TDRD9: variants seen among roughly 807,000 people sequenced by gnomAD.
TDRD9 encodes the protein tudor domain containing 9, also known as ATP-dependent RNA helicase TDRD9.
Under a neutral mutation model 172.6 loss-of-function variants are expected in TDRD9, and 124 were observed. That is an observed-to-expected ratio of 0.72 (90% CI 0.62 to 0.83). TDRD9 has a LOEUF of 0.83. Among genes scored for constraint, TDRD9 ranks in the 40% least tolerant of loss-of-function variants. TDRD9 has a pLI of 0.00. For missense variants in TDRD9, 1,479 were observed against 1,714.1 expected (o/e 0.86, Z 2.42); for synonymous variants, 619 against 617.1 (o/e 1.00, Z -0.05).
intron 12 of TDRD9, among the ~76,000 whole-genome samples, chr14:103,996,181 G>T (rs2034052799): frequency 6.6e-6 from 1 of 152,212 alleles, no homozygotes; most frequent in African/African-American, 2.4e-5. Context: ...CAACTCTGGA[G>T]CAGCCCACTT....
At chr14:104,026,596 C>A in intron 27 of TDRD9, 83 bp from the exon 28 acceptor site, 2 of 1,470,454 alleles carry the variant, frequency 1.4e-6, no homozygotes, top group South Asian at 1.3e-5. Flanking sequence ...GGTACATGAA[C>A]AAGGTCTGTT....
chr14:103,929,126 G>A (rs1354778501), intron 1 of TDRD9, among the ~76,000 whole-genome samples: 1 of 151,966 alleles, frequency 6.6e-6, no homozygotes, highest in African/African-American at 2.4e-5. Flanking sequence ...TCACCCGGAG[G>A]CCATCGTTAC....
rs1370127711 is a variant in TDRD9, at chr14:103,952,188, GTGTATATATATATATA to G, written c.216-3474_216-3459del. ...TGTGTATATATGTGTGTGCGTGTGT[GTGTATATATATATATA>G]TATATATATATATATATTTTTTTTT... is the stretch of plus-strand genomic sequence containing the variant. On this transcript the variant is annotated intron_variant, in intron 1 of 35. Transcript: ENST00000409874. Among the ~76,000 whole-genome samples the G allele has an allele frequency of 4.6e-3, 261 of 56,730 alleles. 4 individuals carry two copies. The highest frequency in any genetic ancestry group is 0.023 in the Middle Eastern group (2 of 86). The allele number at this position is 56,730 out of a possible 152,430, so 37.2% of individuals were successfully genotyped here.
rs1441570865 is a variant in TDRD9 at position 104,052,074 on chromosome 14, G to C, written c.4141G>C (p.Gly1381Arg). 3 of 1,571,138 alleles carry C rather than the reference G, an allele frequency of 1.9e-6. No homozygotes were observed. Among genetic ancestry groups the C allele is most frequent in the Non-Finnish European group, 2.6e-6 (3 of 1,157,552 alleles). ...LYQLHKLVVLGT is the reference protein window; with the variant it reads ...LYQLHKLVVLRT ...CCAGCTCCACAAACTGGTTGTGCTC[G>C]GCACCTGAGCATGTCCACAGGTGGC... Residue 1381 changes from glycine to arginine, a missense_variant, in exon 36 of 36, where the codon GGC becomes CGC. This residue lies in a region of TDRD9 where 1,413 missense variants were observed against 1,649.1 expected (regional missense o/e 0.86). Coordinates refer to ENST00000409874, the MANE Select transcript of TDRD9 (RefSeq NM_153046.3).
chr14:103,986,247 A>G lies in TDRD9; in HGVS notation c.1042A>G (p.Ile348Val). Residue 348 changes from isoleucine to valine, a missense_variant, in exon 8 of 36, where the codon ATA becomes GTA. By Grantham distance (29) the Ile-to-Val change is conservative (BLOSUM62 3). Around this residue, in one of 3 missense-constraint regions of TDRD9, gnomAD observed 1,413 missense variants for 1,649.1 expected, o/e 0.86. Transcript: ENST00000409874. ...LSPHLLEEPV[I>V]TKDIYEVAVS... ...TCCTCATCTCCTGGAGGAACCGGTGATAACTAAGGATATATATGAAGTTGC... is the reference window on the plus strand; with the variant it reads ...TCCTCATCTCCTGGAGGAACCGGTGGTAACTAAGGATATATATGAAGTTGC... 1.2e-6 allele frequency: 2 copies of G among 1,613,134 alleles called. No individual in the cohort carries two copies. Among genetic ancestry groups the G allele is most frequent in the Non-Finnish European group, 1.7e-6 (2 of 1,179,586 alleles).
intron 1 of TDRD9, chr14:103,940,782 A>G (rs2031174899): frequency 1.3e-6 from 2 of 1,499,690 alleles, no homozygotes; most frequent in African/African-American, 2.8e-5. Context: ...GGTGTTCATA[A>G]AAACCCCTCT....
intron 1 of TDRD9, among the ~76,000 whole-genome samples, chr14:103,945,967 T>TG (rs1165938767): frequency 7.7e-6 from 1 of 129,144 alleles, no homozygotes. Flanking sequence ...CATATCTTTC[T>TG]GTTTTTTTTT....
chr14:104,026,356 G>T (rs2035118529), intron 27 of TDRD9, among the ~76,000 whole-genome samples: 1 of 152,186 alleles, frequency 6.6e-6, no homozygotes, highest in Non-Finnish European at 1.5e-5. Context: ...TTTTAATCCA[G>T]TAGTATCTTC....
chr14:103,998,392 T>TA (rs2034132140), intron 12 of TDRD9, among the ~76,000 whole-genome samples: 1 of 152,086 alleles, frequency 6.6e-6, no homozygotes, highest in Non-Finnish European at 1.5e-5. Flanking sequence ...CGTTGGGTCT[T>TA]ACGGGTTATG....
chr14:103,931,160 A>G (rs558203829), intron 1 of TDRD9, among the ~76,000 whole-genome samples: 3 of 151,854 alleles, frequency 2.0e-5, no homozygotes, highest in African/African-American at 7.3e-5. Context: ...TTTGCCCAGC[A>G]TGGTGGTTTG....
chr14:104,005,487 C>A, intron 15 of TDRD9, 82 bp downstream of exon 15: 1 of 1,453,590 alleles, frequency 6.9e-7, no homozygotes, highest in Admixed American at 1.8e-5. Flanking sequence ...GCCTCACTTT[C>A]CCACTAACTC....
intron 2 of TDRD9, among the ~76,000 whole-genome samples, chr14:103,959,332 A>G (rs1184988525): frequency 1.3e-5 from 2 of 152,256 alleles, no homozygotes; most frequent in Non-Finnish European, 1.5e-5. Context: ...TCCTAGACTC[A>G]AGTGATCCTC....
At position 103,951,873 on chromosome 14, in the gene TDRD9, T is replaced by C. The variant is rs541803445; in HGVS notation, c.216-3791T>C. On this transcript the variant is annotated intron_variant, in intron 1 of 35. Coordinates refer to ENST00000409874, the MANE Select transcript of TDRD9 (RefSeq NM_153046.3). Reference sequence around the variant, plus strand: ...GCTCCGCCTCCCGAGTTCACGCCGTTCTCCTGCCTCAGCCTCCGGAGTAGC... The same window carrying C: ...GCTCCGCCTCCCGAGTTCACGCCGTCCTCCTGCCTCAGCCTCCGGAGTAGC... 6.6e-5 allele frequency among the ~76,000 whole-genome samples: 10 copies of C among 151,872 alleles called. No individual in the cohort carries two copies. The South Asian group carries it at 2.1e-3, about 32-fold the overall frequency.
rs753695819 is a variant in TDRD9, at chr14:104,018,074, TTG to T, written c.2332-14_2332-13del. 6.9e-7 allele frequency: 1 copy of T among 1,445,098 alleles called. No individual in the cohort carries two copies. Among genetic ancestry groups the T allele is most frequent in the East Asian group, 2.3e-5 (1 of 43,802 alleles). The allele number at this position is 1,445,098 out of a possible 1,614,324, so 89.5% of individuals were successfully genotyped here. On this transcript the variant is annotated splice_polypyrimidine_tract_variant and intron_variant, in intron 22 of 35. Transcript: ENST00000409874. ...TTAGCTCTAGTAATCTGCTCTGATT[TTG>T]TGTTATATTTTACAGTTGAAACACA...
chr14:104,023,100 TA>T (rs1384699746), intron 24 of TDRD9, among the ~76,000 whole-genome samples: 2 of 135,890 alleles, frequency 1.5e-5, no homozygotes, highest in Non-Finnish European at 3.0e-5. Flanking sequence ...GACAATCAAT[TA>T]AACCCAGGAG....
intron 7 of TDRD9, among the ~76,000 whole-genome samples, chr14:103,979,800 G>A (rs1320380028): frequency 6.6e-6 from 1 of 152,078 alleles, no homozygotes; most frequent in East Asian, 1.9e-4. Context: ...CAAGTTGCCA[G>A]GTGAGGCTCT....
chr14:104,047,458 T>A (rs2035813070), intron 34 of TDRD9, among the ~76,000 whole-genome samples: 2 of 152,330 alleles, frequency 1.3e-5, no homozygotes, highest in Non-Finnish European at 2.9e-5. Flanking sequence ...AGGCCTATTT[T>A]GTCTGATATT....
Position 104,033,170 on chromosome 14 carries a change from G to A in TDRD9, c.3510-790G>A, listed in dbSNP as rs984008495. Among the ~76,000 whole-genome samples, 3 of 152,146 alleles carry A rather than the reference G, an allele frequency of 2.0e-5. No individual in the cohort carries two copies. In the East Asian group the frequency reaches 5.8e-4, roughly 29 times the overall value. On this transcript the variant is annotated intron_variant, in intron 30 of 35. Transcript: ENST00000409874. ...TGTGCATTTTAAAATGATGCCTTTG[G>A]GTAAGTCTTGTCTTCTCAAAATGTC...
In TDRD9 at chr14:103,992,104, A is replaced by T. The variant is rs554334303; in HGVS notation, c.1180+880A>T. On this transcript the variant is annotated intron_variant, in intron 9 of 35. Transcript: ENST00000409874. ...TTATTATAACACCGTGAGAATCATC[A>T]GGGTAATCCTTGAGTTCCCTTCTCA... Among the ~76,000 whole-genome samples, 9 of 152,364 alleles carry T rather than the reference A, an allele frequency of 5.9e-5. No homozygotes were observed. The East Asian group carries it at 1.5e-3, about 26-fold the overall frequency.
Sources: gnomAD v4.1 joint callset for allele counts (sites outside exome capture counted in the v4.1 genomes callset) on GRCh38, gnomAD v4.1.1 for gene constraint, gnomAD v4.1.1 regional missense constraint, MANE v1.5 for transcripts, NCBI Gene and HGNC (gene_info 2026-07-23, HGNC 2026-07-21) for gene names.